SNAP25: variants seen among roughly 807,000 people sequenced by gnomAD.
SNAP25 encodes synaptosome associated protein 25.
SNAP25 carries 3 observed loss-of-function variants against 28.7 expected under a neutral mutation model. That is an observed-to-expected ratio of 0.10 (90% CI 0.05 to 0.27). SNAP25 has a LOEUF of 0.27. SNAP25 is among the 10% of genes least tolerant of loss of function. The pLI is 1.00. For synonymous variants in SNAP25, 61 were observed against 88.1 expected, an observed-to-expected ratio of 0.69 and a Z score of 1.72; for missense variants, 117 against 278.7, an observed-to-expected ratio of 0.42 and a Z score of 4.13.
intron 3 of SNAP25, among the ~76,000 whole-genome samples, chr20:10,282,690 A>G (rs552753780): frequency 8.1e-4 from 124 of 152,328 alleles, no homozygotes; most frequent in African/African-American, 2.7e-3. Context: ...CGAAGATTTC[A>G]TGTGTGGCCT....
At chr20:10,258,023 A>T (rs2063350974) in intron 1 of SNAP25, among the ~76,000 whole-genome samples, 1 of 152,226 alleles carries the variant, frequency 6.6e-6, no homozygotes, top group Non-Finnish European at 1.5e-5. Context: ...ATGGATGCAC[A>T]TCTTTCATTT....
intron 1 of SNAP25, among the ~76,000 whole-genome samples, chr20:10,224,272 T>TC (rs2062692339): frequency 7.6e-6 from 1 of 131,126 alleles, no homozygotes; most frequent in Non-Finnish European, 1.6e-5. Flanking sequence ...TTTTTTTTTT[T>TC]TTTTTTTTTT....
chr20:10,223,569 A>G (rs1416621225), intron 1 of SNAP25, among the ~76,000 whole-genome samples: 4 of 152,136 alleles, frequency 2.6e-5, no homozygotes, highest in Non-Finnish European at 5.9e-5. Flanking sequence ...GTTGGTGGTT[A>G]TTAAACTGAG....
At chr20:10,220,305 G>A (rs1469123038) in intron 1 of SNAP25, among the ~76,000 whole-genome samples, 1 of 152,144 alleles carries the variant, frequency 6.6e-6, no homozygotes, top group African/African-American at 2.4e-5. Flanking sequence ...AAATTTTACT[G>A]GTCCTGTACT....
chr20:10,229,330 A>G (rs1468452400), intron 1 of SNAP25, among the ~76,000 whole-genome samples: 1 of 152,100 alleles, frequency 6.6e-6, no homozygotes, highest in Non-Finnish European at 1.5e-5. Context: ...TGTGCACACA[A>G]TACACAAGCA....
At chr20:10,274,300 G>A (rs1368354593) in intron 1 of SNAP25, among the ~76,000 whole-genome samples, 2 of 152,092 alleles carry the variant, frequency 1.3e-5, no homozygotes, top group Non-Finnish European at 2.9e-5. Flanking sequence ...CCTCACACAA[G>A]CCCTTTTGGC....
rs369973699 is a variant in SNAP25, at chr20:10,222,859, C to T, written c.-64+3882C>T. Among the ~76,000 whole-genome samples the T allele has an allele frequency of 1.3e-3, 193 of 152,272 alleles. 1 individual carries two copies. The highest frequency in any genetic ancestry group is 4.4e-3 in the African/African-American group (183 of 41,558). On this transcript the variant is annotated intron_variant, in intron 1 of 7. Transcript: ENST00000254976. ...CTGCTTGGAAGTTAATTGCAAGTTTCCATTTTCCATTATTGACTAAATGAA... is the reference window on the plus strand; with the variant it reads ...CTGCTTGGAAGTTAATTGCAAGTTTTCATTTTCCATTATTGACTAAATGAA...
intron 1 of SNAP25, among the ~76,000 whole-genome samples, chr20:10,265,172 G>A (rs969432334): frequency 6.6e-6 from 1 of 152,122 alleles, no homozygotes; most frequent in Admixed American, 6.5e-5. Context: ...GCTATGAAAA[G>A]AGGAGATTGA....
intron 3 of SNAP25, among the ~76,000 whole-genome samples, chr20:10,282,189 A>T (rs2063790992): frequency 6.7e-6 from 1 of 148,254 alleles, no homozygotes; most frequent in Non-Finnish European, 1.5e-5. Context: ...GGAAGGAAGG[A>T]AGGAAGGAAG....
intron 2 of SNAP25, 24 bp from the exon 3 acceptor site, chr20:10,277,661 G>C: frequency 6.2e-7 from 1 of 1,609,498 alleles, no homozygotes; most frequent in Non-Finnish European, 8.5e-7. Context: ...TAAAGTTTAT[G>C]TTTGTTTGTT....
intron 1 of SNAP25, among the ~76,000 whole-genome samples, chr20:10,233,017 C>G (rs2062852810): frequency 6.6e-6 from 1 of 152,084 alleles, no homozygotes; most frequent in Non-Finnish European, 1.5e-5. Context: ...CATTTGTCTC[C>G]CCAATTTCAT....
chr20:10,287,456 G>A (rs1438501755), intron 4 of SNAP25, among the ~76,000 whole-genome samples: 1 of 150,980 alleles, frequency 6.6e-6, no homozygotes, highest in Non-Finnish European at 1.5e-5. Flanking sequence ...AAACCACAAT[G>A]AGATACCATC....
intron 1 of SNAP25, among the ~76,000 whole-genome samples, chr20:10,234,092 A>G (rs746946303): frequency 6.6e-5 from 10 of 152,142 alleles, no homozygotes; most frequent in African/African-American, 2.2e-4. Flanking sequence ...AAGTTTTTTC[A>G]GGTCACTTAC....
chr20:10,251,779 A>G (rs1272802048), intron 1 of SNAP25, among the ~76,000 whole-genome samples: 3 of 152,172 alleles, frequency 2.0e-5, no homozygotes, highest in East Asian at 3.9e-4. Context: ...TAAATGAACT[A>G]CAGGCCCAGA....
chr20:10,234,838 A>G (rs1347232017), intron 1 of SNAP25, among the ~76,000 whole-genome samples: 1 of 152,206 alleles, frequency 6.6e-6, no homozygotes, highest in Non-Finnish European at 1.5e-5. Flanking sequence ...GTGAAGATAT[A>G]CTGAAGCCAC....
chr20:10,307,319 T>C lies in SNAP25; in HGVS notation c.*1122T>C, dbSNP rs146218340. ...ATATAAACTGTGAGATAAATATCATTATAGCATGTAATATTAAATTCCTCC... is the reference window on the plus strand; with the variant it reads ...ATATAAACTGTGAGATAAATATCATCATAGCATGTAATATTAAATTCCTCC... On this transcript the variant is annotated 3_prime_UTR_variant, in exon 8 of 8. Coordinates refer to ENST00000254976, the MANE Select transcript of SNAP25 (RefSeq NM_130811.4). 6.5e-6 allele frequency: 1 copy of C among 152,700 alleles called. No individual in the cohort carries two copies. The highest frequency in any genetic ancestry group is 1.9e-4 in the East Asian group (1 of 5,190). The allele number at this position is 152,700 out of a possible 1,614,324, so 9.5% of individuals were successfully genotyped here. A position where few individuals can be genotyped will look rare whatever the true frequency, so the allele number is the denominator to read the frequency against.
intron 1 of SNAP25, among the ~76,000 whole-genome samples, chr20:10,252,158 A>C (rs2063240857): frequency 6.6e-6 from 1 of 152,258 alleles, no homozygotes; most frequent in Non-Finnish European, 1.5e-5. Context: ...GAGGCAATGC[A>C]TAATTTCCAG....
chr20:10,303,183 G>A (rs180933713), intron 7 of SNAP25, among the ~76,000 whole-genome samples: 1 of 152,256 alleles, frequency 6.6e-6, no homozygotes, highest in East Asian at 1.9e-4. Flanking sequence ...TTGCACTGAA[G>A]TGTCATTATT....
intron 1 of SNAP25, among the ~76,000 whole-genome samples, chr20:10,255,579 G>T (rs1353985911): frequency 1.3e-5 from 2 of 152,150 alleles, no homozygotes; most frequent in Admixed American, 6.5e-5. Context: ...GCCCAAGAAA[G>T]CTAATAAAGA....
Sources: allele counts gnomAD v4.1 joint callset (sites outside exome capture counted in the v4.1 genomes callset), GRCh38; gene constraint gnomAD v4.1.1; transcripts MANE v1.5; gene names NCBI Gene and HGNC (gene_info 2026-07-23, HGNC 2026-07-21).